ETF1: variants seen among roughly 807,000 people sequenced by gnomAD.
ETF1 encodes eukaryotic peptide chain release factor subunit 1.
A neutral mutation model predicts 55.1 loss-of-function variants in ETF1; 4 were observed. That is an observed-to-expected ratio of 0.07 (90% CI 0.04 to 0.17). The LOEUF is 0.17. Among genes scored for constraint, ETF1 ranks in the 10% least tolerant of loss-of-function variants. ETF1 has a pLI of 1.00. For synonymous variants in ETF1, 157 were observed against 182.3 expected (o/e 0.86, Z 1.12); for missense variants, 142 against 523.6 (o/e 0.27, Z 7.11).
At chr5:138,511,753 T>C in intron 6 of ETF1, 149 bp from the exon 7 acceptor site, 1 of 1,384,966 alleles carries the variant, frequency 7.2e-7, no homozygotes, top group Non-Finnish European at 9.3e-7. Flanking sequence ...GGAGCCCAAT[T>C]TAATCAAAAG....
intron 2 of ETF1, among the ~76,000 whole-genome samples, chr5:138,535,371 C>G (rs1009042489): frequency 6.6e-6 from 1 of 151,620 alleles, no homozygotes; most frequent in East Asian, 2.0e-4. Context: ...GGCTATGTTG[C>G]CCAGGCTGGA....
intron 2 of ETF1, among the ~76,000 whole-genome samples, chr5:138,533,037 T>C (rs1279407777): frequency 2.0e-5 from 3 of 152,062 alleles, no homozygotes; most frequent in African/African-American, 7.2e-5. Flanking sequence ...CCTCCCGGGT[T>C]CAAGCAATTC....
intron 1 of ETF1, 37 bp downstream of exon 1, chr5:138,543,060 C>T: frequency 1.2e-6 from 1 of 810,098 alleles, no homozygotes; most frequent in Non-Finnish European, 1.9e-6. Flanking sequence ...TGCAGCTCGC[C>T]ACAAAGGTCA....
intron 4 of ETF1, among the ~76,000 whole-genome samples, chr5:138,517,230 G>C (rs545706246): frequency 1.8e-4 from 28 of 151,968 alleles, no homozygotes; most frequent in Non-Finnish European, 3.5e-4. Context: ...AATTAGCTGG[G>C]TGTGGTGGCA....
At chr5:138,523,276 AG>A (rs1765312113) in intron 2 of ETF1, among the ~76,000 whole-genome samples, 1 of 152,184 alleles carries the variant, frequency 6.6e-6, no homozygotes, top group Non-Finnish European at 1.5e-5. Context: ...GTGAGGCAGG[AG>A]AATCGCTTGA....
chr5:138,513,386 AT>A (rs2127072400), intron 5 of ETF1, 181 bp downstream of exon 5: 1 of 299,114 alleles, frequency 3.3e-6, no homozygotes, highest in African/African-American at 2.3e-5. Context: ...CGCCCGTCAC[AT>A]TTTTGTATTT....
rs545962778 is a variant in ETF1 at position 138,543,022 on chromosome 5, C to A, written c.-19+75G>T. On this transcript the variant is annotated intron_variant, in intron 1 of 10. Coordinates refer to ENST00000360541, the MANE Select transcript of ETF1 (RefSeq NM_004730.4). ...GCAGAGCGGCCCCCTTCCTCGCCAT[C>A]CCCCAGAGGCCCTCTCCTCCCGTCC... 3.3e-4 allele frequency: 394 copies of A among 1,184,820 alleles called. 2 individuals carry two copies. The African/African-American group carries it at 5.3e-3, about 16-fold the overall frequency. 73.4% of individuals were successfully genotyped at this position (1,184,820 alleles called of 1,614,324 possible).
chr5:138,533,454 G>A (rs542123279), intron 2 of ETF1, among the ~76,000 whole-genome samples: 5 of 152,154 alleles, frequency 3.3e-5, no homozygotes, highest in East Asian at 1.9e-4. Flanking sequence ...TTGAGAGGCC[G>A]AGGCAGGCGG....
intron 2 of ETF1, among the ~76,000 whole-genome samples, chr5:138,535,747 G>A (rs1336001193): frequency 2.7e-5 from 4 of 149,228 alleles, no homozygotes; most frequent in African/African-American, 9.8e-5. Flanking sequence ...AATTAGCCAG[G>A]CTTGGTGGGA....
At chr5:138,529,904 A>G (rs1765625287) in intron 2 of ETF1, among the ~76,000 whole-genome samples, 1 of 152,088 alleles carries the variant, frequency 6.6e-6, no homozygotes, top group African/African-American at 2.4e-5. Context: ...CACCACGCTC[A>G]GCTAATTTTT....
At chr5:138,510,155 G>C (rs1460917143) in intron 9 of ETF1, among the ~76,000 whole-genome samples, 3 of 151,388 alleles carry the variant, frequency 2.0e-5, no homozygotes, top group African/African-American at 2.4e-5. Context: ...TCAGGAGTTT[G>C]AGACCAGCCC....
chr5:138,508,607 G>T (rs1469469870), intron 10 of ETF1, 62 bp downstream of exon 10: 15 of 1,602,790 alleles, frequency 9.4e-6, no homozygotes, highest in Admixed American at 8.4e-5. Flanking sequence ...GCTAGGGCTA[G>T]CCAGGAGGGA....
chr5:138,522,463 CAG>C (rs201495179), intron 2 of ETF1, among the ~76,000 whole-genome samples: 423 of 152,012 alleles, frequency 2.8e-3, no homozygotes, highest in African/African-American at 9.9e-3. Context: ...AGTTTAAACA[CAG>C]AGTTACCATA....
chr5:138,514,513 A>G (rs1242686377), intron 4 of ETF1, among the ~76,000 whole-genome samples: 1 of 152,068 alleles, frequency 6.6e-6, no homozygotes, highest in East Asian at 1.9e-4. Context: ...AGTGTACTCC[A>G]GCCTGGGTGA....
At chr5:138,540,023 C>T (rs1454126558) in intron 2 of ETF1, among the ~76,000 whole-genome samples, 1 of 152,174 alleles carries the variant, frequency 6.6e-6, no homozygotes, top group Non-Finnish European at 1.5e-5. Context: ...ATTTTGCCAA[C>T]ATACTTCCCT....
intron 2 of ETF1, among the ~76,000 whole-genome samples, chr5:138,540,250 T>G (rs576926519): frequency 6.6e-6 from 1 of 152,298 alleles, no homozygotes; most frequent in East Asian, 1.9e-4. Flanking sequence ...CTTTTTCATT[T>G]CCAAAACAAT....
At chr5:138,524,100 T>C (rs1765352925) in intron 2 of ETF1, among the ~76,000 whole-genome samples, 1 of 151,506 alleles carries the variant, frequency 6.6e-6, no homozygotes, top group Admixed American at 6.6e-5. Context: ...GCACGAAAAC[T>C]GCTTGAACCT....
chr5:138,510,814 G>C lies in ETF1; in HGVS notation c.1019-185C>G, dbSNP rs879824102. 13 of 658,466 alleles carry C rather than the reference G, an allele frequency of 2.0e-5. No individual in the cohort carries two copies. The Admixed American group carries it at 4.4e-4, about 22-fold the overall frequency. 40.8% of individuals were successfully genotyped at this position (658,466 alleles called of 1,614,324 possible). A position where few individuals can be genotyped will look rare whatever the true frequency, so the allele number is the denominator to read the frequency against. ...AATGCTTCAACCATAAGGAACATCA[G>C]AGATGTTCAAGATATAGTCCTGGTC... is the stretch of plus-strand genomic sequence containing the variant. On this transcript the variant is annotated intron_variant, in intron 8 of 10. Transcript: ENST00000360541.
At chr5:138,510,081 G>A (rs1764706665) in intron 9 of ETF1, among the ~76,000 whole-genome samples, 1 of 151,126 alleles carries the variant, frequency 6.6e-6, no homozygotes, top group South Asian at 2.1e-4. Context: ...AAAAAGACCG[G>A]TCATGGTGGC....
Sources: allele counts gnomAD v4.1 joint callset (sites outside exome capture counted in the v4.1 genomes callset), GRCh38; gene constraint gnomAD v4.1.1; transcripts MANE v1.5; gene names NCBI Gene and HGNC (gene_info 2026-07-23, HGNC 2026-07-21).